Variants in ACOT12 observed in about 807,000 individuals in gnomAD.
ACOT12 encodes acetyl-coenzyme A thioesterase.
Under a neutral mutation model 67.7 loss-of-function variants are expected in ACOT12, and 51 were observed. The observed-to-expected ratio is 0.75, with a 90% CI of 0.60 to 0.95. The LOEUF (loss-of-function observed/expected upper bound fraction) is 0.95, where lower values mean the gene tolerates loss of function less well. ACOT12 is among the 40% of genes least tolerant of loss of function. The pLI, the probability that ACOT12 is intolerant of heterozygous loss-of-function variation, is 0.00. For missense variants in ACOT12, 734 were observed against 708.1 expected, an observed-to-expected ratio of 1.04 and a Z score of -0.41; for synonymous variants, 251 against 244.6, an observed-to-expected ratio of 1.03 and a Z score of -0.24.
At position 81,330,864 on chromosome 5, in the gene ACOT12, T is replaced by C. The variant is rs1758796105; in HGVS notation, c.1468A>G (p.Ile490Val). The C allele has an allele frequency of 1.2e-6, 2 of 1,614,102 alleles. No individual in the cohort carries two copies. The highest frequency in any genetic ancestry group is 3.3e-5 in the Admixed American group (2 of 60,016). Reference protein sequence around the residue: ...PPSPQYIRSEIICAGFLIHAI... With the variant: ...PPSPQYIRSEVICAGFLIHAI... Reference sequence around the variant, plus strand: ...TGGATGAGAAATCCGGCACATATGATTTCACTTCTGATGTACTGTGGAGAC... The same window carrying C: ...TGGATGAGAAATCCGGCACATATGACTTCACTTCTGATGTACTGTGGAGAC... Residue 490 changes from isoleucine (I) to valine (V), a missense_variant, in exon 14 of 15, where the codon ATC becomes GTC. Coordinates refer to ENST00000307624, the MANE Select transcript of ACOT12 (RefSeq NM_130767.3).
chr5:81,331,298 G>A (rs193057630), intron 13 of ACOT12, among the ~76,000 whole-genome samples: 70 of 152,342 alleles, frequency 4.6e-4, no homozygotes, highest in East Asian at 4.2e-3. Flanking sequence ...AGCACTTTGG[G>A]AGGCTGAGGC....
chr5:81,353,602 A>G (rs1183156310), intron 5 of ACOT12, among the ~76,000 whole-genome samples: 2 of 152,252 alleles, frequency 1.3e-5, no homozygotes, highest in Non-Finnish European at 2.9e-5. Flanking sequence ...TTAAATTAAA[A>G]TGCTTTCAAA....
At chr5:81,349,535 GC>G (rs1047970087) in intron 5 of ACOT12, among the ~76,000 whole-genome samples, 4 of 151,814 alleles carry the variant, frequency 2.6e-5, no homozygotes, top group Non-Finnish European at 4.4e-5. Flanking sequence ...ATACTCTGTG[GC>G]CCCCCCTTGG....
At chr5:81,392,481 A>G (rs192934694) in intron 1 of ACOT12, among the ~76,000 whole-genome samples, 26 of 152,294 alleles carry the variant, frequency 1.7e-4, no homozygotes, top group Middle Eastern at 3.4e-3. Flanking sequence ...TTGATTGTCA[A>G]TTGGATCTTT....
At position 81,344,985 on chromosome 5, in the gene ACOT12, C is replaced by G. The variant is rs777679257; in HGVS notation, c.830G>C (p.Arg277Pro). 2 of 1,614,052 alleles carry G rather than the reference C, an allele frequency of 1.2e-6. No individual in the cohort carries two copies. The highest frequency in any genetic ancestry group is 2.7e-5 in the African/African-American group (2 of 74,916). The change falls in exon 8 of 15, where the codon CGA (arginine) becomes CCA (proline). Residue 277 changes from arginine (R) to proline (P), a missense_variant. Coordinates refer to ENST00000307624, the MANE Select transcript of ACOT12 (RefSeq NM_130767.3). ...AFDCQEWAEG[R>P]GRHINSAFLI... ...AAAAGCACTGTTGATGTGACGCCCT[C>G]GGCCCTCGGCCCATTCCTGACAGTC...
chr5:81,343,831 T>A lies in ACOT12; in HGVS notation c.1031A>T (p.Asp344Val). 1.2e-6 allele frequency: 2 copies of A among 1,613,000 alleles called. No individual in the cohort carries two copies. Among genetic ancestry groups the A allele is most frequent in the Non-Finnish European group, 1.7e-6 (2 of 1,179,758 alleles). ...KEEVPLCIHW[D>V]ISKQASLSDS... ...ACAAAACATCACCTGCTTGCTGATA[T>A]CCCAGTGTATGCAAAGTGGAACCTC... is the stretch of plus-strand genomic sequence containing the variant. Residue 344 changes from aspartate (D) to valine (V), a missense_variant, in exon 10 of 15, where the codon GAT becomes GTT. Coordinates refer to ENST00000307624, the MANE Select transcript of ACOT12 (RefSeq NM_130767.3).
At position 81,342,754 on chromosome 5, in the gene ACOT12, G is replaced by T; in HGVS notation, c.1046C>A (p.Ala349Glu). Residue 349 changes from alanine to glutamate, a missense_variant and splice_region_variant, in exon 11 of 15, where the codon GCA becomes GAA. By Grantham distance (107) the Ala-to-Glu change is moderately radical. Coordinates refer to ENST00000307624, the MANE Select transcript of ACOT12 (RefSeq NM_130767.3). ...CTCCACATTGCTGTCACTCAGGGAT[G>T]CCTAGAATAGAAATATTATATTTTT... ...LCIHWDISKQASLSDSNVEAL... is the reference protein window; with the variant it reads ...LCIHWDISKQESLSDSNVEAL... The T allele has an allele frequency of 6.2e-7, 1 of 1,613,768 alleles. No individual in the cohort carries two copies. Among genetic ancestry groups the T allele is most frequent in the East Asian group, 2.2e-5 (1 of 44,866 alleles).
chr5:81,335,975 T>G, intron 11 of ACOT12, 74 bp from the exon 12 acceptor site: 1 of 1,466,762 alleles, frequency 6.8e-7, no homozygotes, highest in African/African-American at 1.4e-5. Flanking sequence ...TGCATATATA[T>G]GTAGTCATAG....
chr5:81,373,836 A>G (rs1280948487), intron 2 of ACOT12, among the ~76,000 whole-genome samples: 2 of 152,180 alleles, frequency 1.3e-5, no homozygotes, highest in African/African-American at 4.8e-5. Context: ...CTCTCTGGGC[A>G]GGGCATCTCT....
chr5:81,386,540 C>T (rs891386430), intron 1 of ACOT12, among the ~76,000 whole-genome samples: 1 of 151,966 alleles, frequency 6.6e-6, no homozygotes, highest in Non-Finnish European at 1.5e-5. Flanking sequence ...ATAAAAAACA[C>T]CAGAATTTAT....
At chr5:81,357,495 C>A (rs1454171029) in intron 5 of ACOT12, among the ~76,000 whole-genome samples, 2 of 151,832 alleles carry the variant, frequency 1.3e-5, no homozygotes, top group Non-Finnish European at 2.9e-5. Context: ...TCCACAATCA[C>A]ACACACACAC....
In ACOT12 at chr5:81,385,749, T is replaced by C; in HGVS notation, c.197+8A>G. ...AGGAGAAAGGAGCCATGGAGCAATG[T>C]CACTTACCTAGCTGTCTCCTCAAAC... is the stretch of plus-strand genomic sequence containing the variant. On this transcript the variant is annotated splice_region_variant and intron_variant, in intron 2 of 14. Transcript: ENST00000307624. 1 of 1,613,924 alleles carries C rather than the reference T, an allele frequency of 6.2e-7. No homozygotes were observed. Among genetic ancestry groups the C allele is most frequent in the Non-Finnish European group, 8.5e-7 (1 of 1,179,892 alleles).
chr5:81,319,785 A>C, the ACOT12 span, among the ~76,000 whole-genome samples: 1 of 151,792 alleles, frequency 6.6e-6, no homozygotes, highest in African/African-American at 2.4e-5. Context: ...ATGCTCACAG[A>C]CACCCCACCC....
At chr5:81,333,643 T>A (rs796694299) in intron 12 of ACOT12, among the ~76,000 whole-genome samples, 8 of 152,304 alleles carry the variant, frequency 5.3e-5, no homozygotes, top group African/African-American at 1.9e-4. Context: ...AGTTTAGGCA[T>A]TGTTATTCCT....
chr5:81,340,776 A>G (rs1759170612), intron 11 of ACOT12, among the ~76,000 whole-genome samples: 1 of 152,260 alleles, frequency 6.6e-6, no homozygotes, highest in African/African-American at 2.4e-5. Flanking sequence ...AAAACGTGGG[A>G]GAGAAGAGGA....
chr5:81,372,539 C>G (rs1760286317), intron 2 of ACOT12, among the ~76,000 whole-genome samples: 1 of 152,196 alleles, frequency 6.6e-6, no homozygotes, highest in Admixed American at 6.5e-5. Context: ...TTGGTCCCAT[C>G]CTCCAGTGGC....
intron 3 of ACOT12, among the ~76,000 whole-genome samples, chr5:81,365,753 C>T (rs1026301888): frequency 7.9e-5 from 12 of 152,156 alleles, no homozygotes; most frequent in African/African-American, 1.9e-4. Context: ...GGAAAAACAA[C>T]GAGAGCACTG....
At chr5:81,366,702 T>C (rs1181464764) in intron 3 of ACOT12, among the ~76,000 whole-genome samples, 2 of 151,874 alleles carry the variant, frequency 1.3e-5, no homozygotes, top group Non-Finnish European at 2.9e-5. Flanking sequence ...ACGGAAAATA[T>C]AAAAAAATCA....
At chr5:81,308,704 G>A in the ACOT12 span, 35 of 1,606,480 alleles carry the variant, frequency 2.2e-5, 1 homozygote, top group Middle Eastern at 1.3e-3. Context: ...AAGTAGACCC[G>A]GCTCTTGGTA....
Sources: gnomAD v4.1 joint callset for allele counts (sites outside exome capture counted in the v4.1 genomes callset) on GRCh38, gnomAD v4.1.1 for gene constraint, MANE v1.5 for transcripts, NCBI Gene and HGNC (gene_info 2026-07-23, HGNC 2026-07-21) for gene names.